The following JAK1 variants were observed in gnomAD, a reference collection of about 807,000 sequenced individuals.
JAK1 encodes Janus kinase 1.
Under a neutral mutation model 136.6 loss-of-function variants are expected in JAK1, and 16 were observed. The ratio of observed to expected loss-of-function variants is 0.12; its 90% CI spans 0.08 to 0.18. The LOEUF (loss-of-function observed/expected upper bound fraction) is 0.18. Ranked by LOEUF, JAK1 falls within the 10% of genes least tolerant of loss-of-function variation. The probability of loss-of-function intolerance (pLI) is 1.00; values close to 1 mark genes in which losing one functional copy is unlikely to be tolerated. For missense variants in JAK1, 859 were observed against 1,450.1 expected (o/e 0.59, Z 6.62); for synonymous variants, 492 against 519.5 (o/e 0.95, Z 0.72).
chr1:64,952,933 C>G (rs760762156), intron 1 of JAK1, among the ~76,000 whole-genome samples: 4 of 152,178 alleles, frequency 2.6e-5, no homozygotes, highest in Admixed American at 2.0e-4. Flanking sequence ...GAAACTGAGG[C>G]ACAAAGCGGT....
At chr1:65,038,261 C>T (rs571262855) in intron 2 of JAK1, among the ~76,000 whole-genome samples, 8 of 148,748 alleles carry the variant, frequency 5.4e-5, no homozygotes, top group African/African-American at 1.2e-4. Context: ...TACAATGGCG[C>T]GATCTCAGCT....
intron 1 of JAK1, among the ~76,000 whole-genome samples, chr1:64,944,589 C>T (rs145127612): frequency 6.6e-6 from 1 of 151,802 alleles, no homozygotes; most frequent in African/African-American, 2.4e-5. Context: ...CACAGAATCA[C>T]GGTGAAGCCA....
intron 2 of JAK1, among the ~76,000 whole-genome samples, chr1:65,018,324 G>A (rs576697115): frequency 6.6e-6 from 1 of 152,204 alleles, no homozygotes; most frequent in East Asian, 1.9e-4. Flanking sequence ...AAGTAGGAAA[G>A]AGATAACAAA....
intron 17 of JAK1, 104 bp from the exon 18 acceptor site, chr1:64,841,705 C>G (rs1405562777): frequency 2.6e-6 from 3 of 1,148,570 alleles, no homozygotes; most frequent in African/African-American, 1.5e-5. Flanking sequence ...TTCTCAACAT[C>G]TCCACTTACA....
In JAK1 at chr1:64,857,691, T is replaced by C. The variant is rs757126615; in HGVS notation, c.1423A>G (p.Ile475Val). The C allele has an allele frequency of 2.5e-6, 4 of 1,614,180 alleles. No individual in the cohort carries two copies. Among genetic ancestry groups the C allele is most frequent in the Non-Finnish European group, 3.4e-6 (4 of 1,180,024 alleles). The stretch of plus-strand genomic sequence containing the variant: ...TCAAAGCAGGTGACGGTCATGAGGA[T>C]GTTGTCAAAGTCGGTGCAGCTCCAC... ...LRWSCTDFDN[I>V]LMTVTCFEKS... Residue 475 changes from isoleucine to valine, a missense_variant, in exon 10 of 25, where the codon ATC (isoleucine) becomes GTC (valine). By Grantham distance (29) the Ile-to-Val change is conservative. Transcript: ENST00000342505.
chr1:64,993,399 G>C (rs944418526), intron 2 of JAK1: 1 of 152,104 alleles, frequency 6.6e-6, no homozygotes, highest in Non-Finnish European at 1.5e-5. Flanking sequence ...ATATGAATGA[G>C]AGAAGGTATG....
intron 3 of JAK1, among the ~76,000 whole-genome samples, chr1:64,883,066 G>C (rs1466652364): frequency 6.6e-6 from 1 of 152,196 alleles, no homozygotes; most frequent in Non-Finnish European, 1.5e-5. Context: ...AAGCCACTCT[G>C]CAGATGAAGA....
chr1:64,912,710 G>A (rs917792264), intron 1 of JAK1, among the ~76,000 whole-genome samples: 1 of 152,056 alleles, frequency 6.6e-6, no homozygotes, highest in African/African-American at 2.4e-5. Flanking sequence ...GCTGGGAAGC[G>A]GCAGAACAAC....
At chr1:64,900,671 T>C (rs1185279370) in intron 1 of JAK1, among the ~76,000 whole-genome samples, 1 of 152,200 alleles carries the variant, frequency 6.6e-6, no homozygotes, top group Non-Finnish European at 1.5e-5. Context: ...GTTTCTGCCT[T>C]CATTCTCGTC....
At chr1:65,059,391 T>C (rs550182901) in intron 1 of JAK1, among the ~76,000 whole-genome samples, 3 of 152,370 alleles carry the variant, frequency 2.0e-5, no homozygotes, top group Admixed American at 6.5e-5. Context: ...TGGGGCTTTA[T>C]AATTAAGAAG....
chr1:64,978,483 G>A (rs975998126), intron 2 of JAK1, among the ~76,000 whole-genome samples: 1 of 152,120 alleles, frequency 6.6e-6, no homozygotes, highest in African/African-American at 2.4e-5. Flanking sequence ...GAAGGCTTTC[G>A]TGGTTCCTAT....
intron 3 of JAK1, among the ~76,000 whole-genome samples, chr1:64,881,220 C>T (rs1644767148): frequency 6.6e-6 from 1 of 150,760 alleles, no homozygotes; most frequent in Non-Finnish European, 1.5e-5. Context: ...TATGATGGAA[C>T]CACTGCACTC....
chr1:65,025,825 A>G (rs1282583355), intron 2 of JAK1, among the ~76,000 whole-genome samples: 3 of 152,096 alleles, frequency 2.0e-5, no homozygotes, highest in Non-Finnish European at 1.5e-5. Context: ...CTATAGGTGC[A>G]TACCACCATG....
intron 18 of JAK1, 38 bp from the exon 19 acceptor site, chr1:64,841,377 C>A (rs751504339): frequency 6.2e-7 from 1 of 1,611,822 alleles, no homozygotes; most frequent in South Asian, 1.1e-5. Flanking sequence ...GAAAGGCAGT[C>A]GATTGCCAGG....
intron 2 of JAK1, among the ~76,000 whole-genome samples, chr1:65,009,123 G>A (rs1292620242): frequency 6.6e-6 from 1 of 151,926 alleles, no homozygotes; most frequent in African/African-American, 2.4e-5. Flanking sequence ...ACAGAAGAAT[G>A]GTTAAAGCAT....
rs986966915 is a variant in JAK1, at chr1:64,904,810, T to C, written c.-77-18469A>G. Among the ~76,000 whole-genome samples the C allele has an allele frequency of 2.0e-5, 3 of 152,194 alleles. No individual in the cohort carries two copies. The East Asian group carries it at 5.8e-4, about 29-fold the overall frequency. On this transcript the variant is annotated intron_variant, in intron 1 of 24. Transcript: ENST00000342505. ...CATGGGATAAAATCTAAGATTTCAATATAATAAGATTAGACTAAAACAGTG... is the reference window on the plus strand; with the variant it reads ...CATGGGATAAAATCTAAGATTTCAACATAATAAGATTAGACTAAAACAGTG...
chr1:64,944,066 C>A (rs553839401), intron 1 of JAK1, among the ~76,000 whole-genome samples: 2 of 151,448 alleles, frequency 1.3e-5, no homozygotes, highest in Admixed American at 1.3e-4. Flanking sequence ...ACTAAAAGTA[C>A]AAAAAATTAG....
At chr1:65,021,641 A>G (rs1424563668) in intron 2 of JAK1, among the ~76,000 whole-genome samples, 1 of 152,184 alleles carries the variant, frequency 6.6e-6, no homozygotes, top group Non-Finnish European at 1.5e-5. Context: ...AGTTCTAAAC[A>G]TAGCTCTCCC....
intron 2 of JAK1, among the ~76,000 whole-genome samples, chr1:65,031,462 G>A (rs547080287): frequency 6.6e-6 from 1 of 152,248 alleles, no homozygotes; most frequent in African/African-American, 2.4e-5. Context: ...ATGAAAAGCT[G>A]AGGAACTCTT....
Sources: gnomAD v4.1 joint callset for allele counts (sites outside exome capture counted in the v4.1 genomes callset) on GRCh38, gnomAD v4.1.1 for gene constraint, MANE v1.5 for transcripts, NCBI Gene and HGNC (gene_info 2026-07-23, HGNC 2026-07-21) for gene names.